Variants in GLIS3 observed in about 807,000 individuals in gnomAD.
GLIS3 encodes the protein zinc finger protein GLIS3.
GLIS3 carries 53 observed loss-of-function variants against 78.6 expected under a neutral mutation model. The ratio of observed to expected loss-of-function variants is 0.67; its 90% CI spans 0.54 to 0.85. The LOEUF (loss-of-function observed/expected upper bound fraction) is 0.85, where lower values mean the gene tolerates loss of function less well. Ranked by LOEUF, GLIS3 falls within the 40% of genes least tolerant of loss-of-function variation. GLIS3 has a pLI of 0.00. For missense variants in GLIS3, 1,703 were observed against 1,231.1 expected, an observed-to-expected ratio of 1.38 and a Z score of -5.74; for synonymous variants, 684 against 509.9, an observed-to-expected ratio of 1.34 and a Z score of -4.60.
chr9:4,163,120 T>C (rs929216597), intron 2 of GLIS3, among the ~76,000 whole-genome samples: 1 of 152,120 alleles, frequency 6.6e-6, no homozygotes, highest in African/African-American at 2.4e-5. Context: ...AAACTCAAGT[T>C]CAAAGAGATA....
At chr9:4,379,845 C>G in the GLIS3 span, among the ~76,000 whole-genome samples, 24 of 152,134 alleles carry the variant, frequency 1.6e-4, no homozygotes, top group Non-Finnish European at 2.5e-4. Context: ...ATATTTGACA[C>G]ACATCATATT....
At chr9:3,961,423 T>C (rs1389837450) in intron 4 of GLIS3, among the ~76,000 whole-genome samples, 1 of 152,230 alleles carries the variant, frequency 6.6e-6, no homozygotes, top group Non-Finnish European at 1.5e-5. Flanking sequence ...ATATATTACA[T>C]GTTCTCTCCA....
At chr9:3,951,576 CT>C (rs1302125740) in intron 4 of GLIS3, among the ~76,000 whole-genome samples, 1 of 151,426 alleles carries the variant, frequency 6.6e-6, no homozygotes. Flanking sequence ...GCAGCTGGCC[CT>C]TTAAAAAATA....
chr9:4,274,774 G>A (rs745491948), intron 2 of GLIS3, among the ~76,000 whole-genome samples: 19 of 152,316 alleles, frequency 1.2e-4, no homozygotes, highest in Admixed American at 5.2e-4. Context: ...AGCCAGCCCT[G>A]TGCACATGAA....
intron 4 of GLIS3, among the ~76,000 whole-genome samples, chr9:4,022,259 G>A (rs1317500382): frequency 1.3e-5 from 2 of 152,280 alleles, no homozygotes; most frequent in Middle Eastern, 3.4e-3. Context: ...GCTAGGAAAT[G>A]CTACAGCTTA....
chr9:3,921,251 A>C (rs1026268089), intron 6 of GLIS3, among the ~76,000 whole-genome samples: 1 of 152,254 alleles, frequency 6.6e-6, no homozygotes, highest in Non-Finnish European at 1.5e-5. Context: ...TGTGTCCAGG[A>C]GAAAAGAAAA....
intron 4 of GLIS3, among the ~76,000 whole-genome samples, chr9:4,028,939 C>A (rs1316080162): frequency 6.6e-6 from 1 of 152,152 alleles, no homozygotes; most frequent in African/African-American, 2.4e-5. Context: ...GCAGAGAAAT[C>A]TTACACATTC....
chr9:4,312,886 A>G (rs1352694586), intron 2 of GLIS3, among the ~76,000 whole-genome samples: 1 of 152,206 alleles, frequency 6.6e-6, no homozygotes, highest in South Asian at 2.1e-4. Flanking sequence ...TGTTACATAT[A>G]TTAGTTCATT....
intron 2 of GLIS3, among the ~76,000 whole-genome samples, chr9:4,172,612 GAATA>G (rs529771904): frequency 6.6e-6 from 1 of 152,136 alleles, no homozygotes; most frequent in Admixed American, 6.5e-5. Context: ...AATGATAAAT[GAATA>G]AATGAGTGAA....
intron 9 of GLIS3, among the ~76,000 whole-genome samples, chr9:3,844,088 T>C (rs998013378): frequency 4.6e-5 from 7 of 152,088 alleles, no homozygotes; most frequent in African/African-American, 1.7e-4. Flanking sequence ...TTTAAGGGAA[T>C]TGGGATTGTT....
At chr9:4,173,946 ACACG>A (rs766511626) in intron 2 of GLIS3, among the ~76,000 whole-genome samples, 13 of 87,664 alleles carry the variant, frequency 1.5e-4, no homozygotes, top group Admixed American at 2.8e-4. Context: ...ACGCACGCAC[ACACG>A]CATTTCTATA....
At chr9:4,109,336 C>T (rs893859461) in intron 4 of GLIS3, among the ~76,000 whole-genome samples, 5 of 152,230 alleles carry the variant, frequency 3.3e-5, no homozygotes, top group Admixed American at 1.3e-4. Context: ...CCTCTGTCCA[C>T]ATCTTAATCA....
At chr9:3,870,686 C>G (rs777464736) in intron 8 of GLIS3, among the ~76,000 whole-genome samples, 10 of 152,200 alleles carry the variant, frequency 6.6e-5, no homozygotes, top group Non-Finnish European at 1.3e-4. Flanking sequence ...ATGAGGGAAA[C>G]AAACCCCAGT....
At chr9:4,050,730 G>C (rs993884245) in intron 4 of GLIS3, among the ~76,000 whole-genome samples, 5 of 152,096 alleles carry the variant, frequency 3.3e-5, no homozygotes, top group Non-Finnish European at 7.4e-5. Context: ...GTGGGATTCT[G>C]ATCTTTCAGT....
chr9:4,174,259 A>G (rs965251134), intron 2 of GLIS3, among the ~76,000 whole-genome samples: 7 of 152,346 alleles, frequency 4.6e-5, no homozygotes, highest in Admixed American at 3.9e-4. Context: ...CAGCAAAGTA[A>G]ACAGGTTTCA....
chr9:4,239,891 T>C (rs577821296), intron 2 of GLIS3, among the ~76,000 whole-genome samples: 1 of 152,340 alleles, frequency 6.6e-6, no homozygotes, highest in Non-Finnish European at 1.5e-5. Context: ...TAACTCTGTA[T>C]CATTAGACCT....
intron 9 of GLIS3, among the ~76,000 whole-genome samples, chr9:3,845,731 C>T (rs111931500): frequency 6.6e-6 from 1 of 151,984 alleles, no homozygotes; most frequent in Admixed American, 6.6e-5. Context: ...ACGTGCATGC[C>T]CACGCACGCA....
At chr9:3,969,382 T>C (rs1266721579) in intron 4 of GLIS3, among the ~76,000 whole-genome samples, 3 of 152,184 alleles carry the variant, frequency 2.0e-5, no homozygotes, top group African/African-American at 7.2e-5. Context: ...TCACAGGAAA[T>C]ATCTCCAAAG....
chr9:4,345,173 C>A (rs1176975102), intron 2 of GLIS3, among the ~76,000 whole-genome samples: 1 of 152,210 alleles, frequency 6.6e-6, no homozygotes, highest in African/African-American at 2.4e-5. Flanking sequence ...TCCTTTCCTG[C>A]CACTGGGCCC....
Sources: gnomAD v4.1 joint callset for allele counts (sites outside exome capture counted in the v4.1 genomes callset) on GRCh38, gnomAD v4.1.1 for gene constraint, MANE v1.5 for transcripts, NCBI Gene and HGNC (gene_info 2026-07-23, HGNC 2026-07-21) for gene names.